Variants in MGAT4C observed in about 807,000 individuals in gnomAD.
The protein encoded by MGAT4C is MGAT4 family member C, also known as alpha-1,3-mannosyl-glycoprotein 4-beta-N-acetylglucosaminyltransferase C.
A neutral mutation model predicts 40.1 loss-of-function variants in MGAT4C; 19 were observed. The observed-to-expected ratio is 0.47, with a 90% confidence interval of 0.33 to 0.70. MGAT4C has a LOEUF of 0.70. Among genes scored for constraint, MGAT4C ranks in the 30% least tolerant of loss-of-function variants. The probability of loss-of-function intolerance (pLI) is 0.02; values close to 1 mark genes in which losing one functional copy is unlikely to be tolerated. For missense variants in MGAT4C, 491 were observed against 563.2 expected (o/e 0.87, Z 1.30); for synonymous variants, 181 against 187.1 (o/e 0.97, Z 0.27).
At chr12:86,758,384 T>C (rs1307712387) in intron 1 of MGAT4C, among the ~76,000 whole-genome samples, 1 of 125,670 alleles carries the variant, frequency 8.0e-6, no homozygotes, top group Non-Finnish European at 1.7e-5. Flanking sequence ...CCTTTTTTTT[T>C]TTTTTTAAAA....
At position 85,978,607 on chromosome 12, in the gene MGAT4C, A is replaced by T. The variant is rs543016942; in HGVS notation, c.*682T>A. 2.0e-5 allele frequency: 3 copies of T among 151,958 alleles called. No homozygotes were observed. Among genetic ancestry groups the T allele is most frequent in the Non-Finnish European group, 4.4e-5 (3 of 67,610 alleles). The allele number at this position is 151,958 out of a possible 1,614,324, so 9.4% of individuals were successfully genotyped here. Reference sequence around the variant, plus strand: ...TTTTTTTTTTCAAAAGGGAAACTTGAAAAAGACTGCTTCCCCCAGAAAATT... The same window carrying T: ...TTTTTTTTTTCAAAAGGGAAACTTGTAAAAGACTGCTTCCCCCAGAAAATT... On this transcript the variant is annotated 3_prime_UTR_variant, in exon 5 of 5. Transcript: ENST00000611864.
At chr12:86,630,083 C>G (rs1024130433) in intron 2 of MGAT4C, among the ~76,000 whole-genome samples, 4 of 152,088 alleles carry the variant, frequency 2.6e-5, no homozygotes, top group Admixed American at 6.6e-5. Flanking sequence ...CACCACCAAT[C>G]CCACAGAAAT....
At chr12:86,734,208 A>T (rs1344506649) in intron 1 of MGAT4C, among the ~76,000 whole-genome samples, 1 of 152,142 alleles carries the variant, frequency 6.6e-6, no homozygotes, top group African/African-American at 2.4e-5. Flanking sequence ...AAATAAAAAG[A>T]CAAATTAAAA....
intron 2 of MGAT4C, among the ~76,000 whole-genome samples, chr12:86,595,445 C>T (rs868205899): frequency 1.3e-5 from 2 of 151,490 alleles, no homozygotes; most frequent in Admixed American, 1.3e-4. Flanking sequence ...GCAGGAGAAT[C>T]GCTTGAATCC....
chr12:85,985,598 C>T (rs1885117166), intron 3 of MGAT4C, among the ~76,000 whole-genome samples: 1 of 152,010 alleles, frequency 6.6e-6, no homozygotes, highest in Non-Finnish European at 1.5e-5. Context: ...GGCTTTTACA[C>T]AATGCCATGT....
intron 2 of MGAT4C, among the ~76,000 whole-genome samples, chr12:86,651,947 C>T (rs961355953): frequency 5.9e-5 from 9 of 151,816 alleles, no homozygotes; most frequent in South Asian, 2.1e-4. Context: ...GAGACTGTGA[C>T]GTAATGACTG....
intron 2 of MGAT4C, among the ~76,000 whole-genome samples, chr12:86,023,480 C>T (rs1565873840): frequency 6.6e-6 from 1 of 151,032 alleles, no homozygotes; most frequent in African/African-American, 2.4e-5. Flanking sequence ...TTTTTAAAGC[C>T]AAGTGGTGAA....
chr12:86,570,195 GT>G (rs1960304040), intron 2 of MGAT4C, among the ~76,000 whole-genome samples: 3 of 152,012 alleles, frequency 2.0e-5, no homozygotes, highest in Non-Finnish European at 4.4e-5. Flanking sequence ...GATTTTATGT[GT>G]TCTCACCACA....
chr12:86,346,651 G>T (rs1230906668), intron 3 of MGAT4C, among the ~76,000 whole-genome samples: 4 of 152,160 alleles, frequency 2.6e-5, no homozygotes, highest in Non-Finnish European at 5.9e-5. Context: ...GAGGATAACT[G>T]CAACTTTTGT....
intron 2 of MGAT4C, among the ~76,000 whole-genome samples, chr12:86,571,483 C>T (rs897405321): frequency 6.6e-6 from 1 of 151,918 alleles, no homozygotes; most frequent in Non-Finnish European, 1.5e-5. Context: ...GTATAGGTGG[C>T]AAAACTGAAA....
chr12:86,052,990 CTTTA>C (rs1454747775), intron 1 of MGAT4C, among the ~76,000 whole-genome samples: 1 of 151,888 alleles, frequency 6.6e-6, no homozygotes, highest in Non-Finnish European at 1.5e-5. Context: ...AAAGTGTTCA[CTTTA>C]TTTATTTTAC....
chr12:86,266,934 T>C (rs1032624157), intron 4 of MGAT4C, among the ~76,000 whole-genome samples: 3 of 152,218 alleles, frequency 2.0e-5, no homozygotes, highest in African/African-American at 7.2e-5. Context: ...TATATAGTTA[T>C]TCATAATATT....
At chr12:86,183,428 A>T (rs146538983) in intron 1 of MGAT4C, among the ~76,000 whole-genome samples, 5 of 152,314 alleles carry the variant, frequency 3.3e-5, no homozygotes, top group African/African-American at 1.2e-4. Flanking sequence ...TAAAAATAAT[A>T]CCAATCTCAT....
intron 3 of MGAT4C, among the ~76,000 whole-genome samples, chr12:86,340,420 T>TA (rs1319566104): frequency 6.6e-6 from 1 of 151,808 alleles, no homozygotes; most frequent in Non-Finnish European, 1.5e-5. Flanking sequence ...ACAAAAAGAA[T>TA]GATTTAAAAT....
At chr12:86,165,136 GA>G (rs942700405) in intron 1 of MGAT4C, among the ~76,000 whole-genome samples, 3 of 151,504 alleles carry the variant, frequency 2.0e-5, no homozygotes, top group Non-Finnish European at 4.4e-5. Context: ...TTGGAAGTTA[GA>G]AAAAAAGGGG....
intron 2 of MGAT4C, among the ~76,000 whole-genome samples, chr12:86,678,902 G>A (rs1949922197): frequency 6.6e-6 from 1 of 152,042 alleles, no homozygotes; most frequent in Non-Finnish European, 1.5e-5. Context: ...GTGTGCATGT[G>A]TCTTTATAGC....
intron 2 of MGAT4C, among the ~76,000 whole-genome samples, chr12:86,587,270 C>T (rs1347948834): frequency 1.7e-4 from 26 of 151,828 alleles, no homozygotes; most frequent in Admixed American, 4.6e-4. Context: ...TGTAGATATG[C>T]GGCATTATTT....
At chr12:85,986,478 T>A (rs370867695) in intron 3 of MGAT4C, among the ~76,000 whole-genome samples, 1 of 152,188 alleles carries the variant, frequency 6.6e-6, no homozygotes, top group East Asian at 1.9e-4. Flanking sequence ...CCTTTTTCAC[T>A]TAAAGGCACA....
chr12:86,810,165 AT>A (rs1337826239), intron 1 of MGAT4C, among the ~76,000 whole-genome samples: 2 of 151,688 alleles, frequency 1.3e-5, no homozygotes, highest in African/African-American at 2.4e-5. Flanking sequence ...CTGCATTTTC[AT>A]TTTTTTATAT....
Sources: allele counts gnomAD v4.1 joint callset (sites outside exome capture counted in the v4.1 genomes callset), GRCh38; gene constraint gnomAD v4.1.1; transcripts MANE v1.5; gene names NCBI Gene and HGNC (gene_info 2026-07-23, HGNC 2026-07-21).